The following NPIPB8 variants were observed in gnomAD, a reference collection of about 807,000 sequenced individuals.
NPIPB8 encodes the protein nuclear pore complex-interacting protein family member B8.
Under a neutral mutation model 5.3 loss-of-function variants are expected in NPIPB8, and 3 were observed. That is an observed-to-expected ratio of 0.57 (90% CI 0.26 to 1.47). The LOEUF (loss-of-function observed/expected upper bound fraction) is 1.47. Among genes scored for constraint, NPIPB8 ranks in the 40% most tolerant of loss-of-function variants. NPIPB8 has a pLI of 0.13. For synonymous variants in NPIPB8, 18 were observed against 23.0 expected (o/e 0.78, Z 0.62); for missense variants, 50 against 50.2 (o/e 1.00, Z 0.01).
intron 2 of NPIPB8, among the ~76,000 whole-genome samples, chr16:28,640,227 G>T (rs891680805): frequency 6.6e-6 from 1 of 151,968 alleles, no homozygotes. Context: ...GCTAGGATGG[G>T]CTAGGTATCA....
At chr16:28,644,321 C>A (rs2047956159) in intron 2 of NPIPB8, among the ~76,000 whole-genome samples, 1 of 117,726 alleles carries the variant, frequency 8.5e-6, no homozygotes, top group African/African-American at 3.7e-5. Context: ...TTAATTTGAA[C>A]CGGATCCTTT....
chr16:28,652,997 C>T (rs2151767504), intron 5 of NPIPB8, among the ~76,000 whole-genome samples: 1 of 128,356 alleles, frequency 7.8e-6, no homozygotes, highest in Middle Eastern at 3.8e-3. Flanking sequence ...CAACCTCTGC[C>T]TCCCAGTTTG....
intron 2 of NPIPB8, among the ~76,000 whole-genome samples, chr16:28,640,416 A>G (rs1413025128): frequency 6.6e-6 from 1 of 152,174 alleles, no homozygotes; most frequent in Non-Finnish European, 1.5e-5. Context: ...AGTTGCTCCA[A>G]GAGATGAAGG....
At chr16:28,639,361 C>T (rs946847740) in intron 2 of NPIPB8, among the ~76,000 whole-genome samples, 2 of 149,576 alleles carry the variant, frequency 1.3e-5, no homozygotes, top group Non-Finnish European at 3.0e-5. Flanking sequence ...AAATAATAAT[C>T]TCAAAAATGA....
intron 5 of NPIPB8, among the ~76,000 whole-genome samples, chr16:28,652,884 G>C (rs1305320052): frequency 1.5e-5 from 2 of 133,234 alleles, no homozygotes; most frequent in South Asian, 2.2e-4. Context: ...TTAGAGGTGT[G>C]AGCCACCACA....
At chr16:28,651,009 G>A (rs1443924425) in intron 3 of NPIPB8, among the ~76,000 whole-genome samples, 2 of 108,374 alleles carry the variant, frequency 1.8e-5, no homozygotes, top group Admixed American at 8.5e-5. Context: ...TTTTTGAGAC[G>A]GAGTCTCACT....
chr16:28,640,012 T>C (rs1290692130), intron 2 of NPIPB8, among the ~76,000 whole-genome samples: 1 of 151,472 alleles, frequency 6.6e-6, no homozygotes, highest in Non-Finnish European at 1.5e-5. Flanking sequence ...TTATATTTCA[T>C]TTAATTCTCT....
intron 2 of NPIPB8, among the ~76,000 whole-genome samples, chr16:28,641,086 T>C (rs2151745761): frequency 6.6e-6 from 1 of 152,060 alleles, no homozygotes; most frequent in East Asian, 1.9e-4. Flanking sequence ...ATTCTGTGCA[T>C]TTTCCTGTGC....
chr16:28,651,689 G>T (rs1367386790), intron 3 of NPIPB8, among the ~76,000 whole-genome samples: 1 of 93,528 alleles, frequency 1.1e-5, no homozygotes, highest in Non-Finnish European at 2.1e-5. Context: ...GAGTACAGTG[G>T]TGTGATCTCG....
At position 28,638,492 on chromosome 16, in the gene NPIPB8, C is replaced by A. The variant is rs1266750733; in HGVS notation, c.120+12C>A. 1.3e-6 allele frequency: 2 copies of A among 1,551,096 alleles called. No individual in the cohort carries two copies. The highest frequency in any genetic ancestry group is 3.7e-5 in the Admixed American group (2 of 54,516). On this transcript the variant is annotated intron_variant, in intron 2 of 7. Transcript: ENST00000683297. ...AGTACCTGAGGAAGGTGAGTGAGTG[C>A]AGACAAGATGGGGCCTGGTGCCCTT...
At position 28,638,584 on chromosome 16, in the gene NPIPB8, T is replaced by C; in HGVS notation, c.120+104T>C. 6.4e-6 allele frequency: 9 copies of C among 1,411,604 alleles called. 1 individual carries two copies. The highest frequency in any genetic ancestry group is 8.6e-6 in the Non-Finnish European group (9 of 1,050,112). 87.4% of individuals were successfully genotyped at this position (1,411,604 alleles called of 1,614,324 possible). ...GTGATGCTGGGGGAAGCTTACGCAG[T>C]CACAGTACTGGCTTCTTCCTCTTTT... is the stretch of plus-strand genomic sequence containing the variant. On this transcript the variant is annotated intron_variant, in intron 2 of 7. Coordinates refer to ENST00000683297, the MANE Select transcript of NPIPB8 (RefSeq NM_001310136.2).
At chr16:28,645,082 C>T (rs1334806599) in intron 2 of NPIPB8, among the ~76,000 whole-genome samples, 2 of 123,922 alleles carry the variant, frequency 1.6e-5, no homozygotes, top group African/African-American at 3.0e-5. Context: ...CTCATTCTGT[C>T]GCCCAGGCTG....
chr16:28,639,899 C>G (rs3175440), intron 2 of NPIPB8, among the ~76,000 whole-genome samples: 76 of 148,516 alleles, frequency 5.1e-4, no homozygotes, highest in East Asian at 1.4e-3. Context: ...CACTTTACTG[C>G]ATTGTCTGAA....
Position 28,651,645 on chromosome 16 carries a change from T to TGA in NPIPB8, c.304-307_304-306dup, listed in dbSNP as rs1167005857. 4.4e-4 allele frequency among the ~76,000 whole-genome samples: 32 copies of TGA among 72,694 alleles called. 3 individuals carry two copies. Among genetic ancestry groups the TGA allele is most frequent in the East Asian group, 1.5e-3 (4 of 2,656 alleles). The allele number at this position is 72,694 out of a possible 152,430, so 47.7% of individuals were successfully genotyped here. ...GTGTGTGTGTGTGTGTGTGTGTGTG[T>TGA]GAGAGACAGAGTCTCATTCTGTCGC... On this transcript the variant is annotated intron_variant, in intron 3 of 7. Coordinates refer to ENST00000683297, the MANE Select transcript of NPIPB8 (RefSeq NM_001310136.2).
rs914282885 is a variant in NPIPB8, at chr16:28,639,776, A to G, written c.120+1296A>G. ...TCCAAGATAAAATTATTTTAACAAT[A>G]TACTATGAAGAGAAAAACACTGGCT... On this transcript the variant is annotated intron_variant, in intron 2 of 7. Coordinates refer to ENST00000683297, the MANE Select transcript of NPIPB8 (RefSeq NM_001310136.2). Among the ~76,000 whole-genome samples the G allele has an allele frequency of 3.2e-4, 49 of 150,972 alleles. 1 individual carries two copies. Among genetic ancestry groups the G allele is most frequent in the African/African-American group, 1.2e-3 (48 of 40,726 alleles).
At chr16:28,638,301 T>C in intron 1 of NPIPB8, 22 bp from the exon 2 acceptor site, 1 of 1,548,956 alleles carries the variant, frequency 6.5e-7, no homozygotes, top group East Asian at 2.3e-5. Flanking sequence ...TCAACAAACT[T>C]TTTTTCTTAA....
intron 3 of NPIPB8, among the ~76,000 whole-genome samples, chr16:28,651,030 G>A (rs1421902076): frequency 3.1e-5 from 3 of 98,166 alleles, no homozygotes; most frequent in Admixed American, 2.8e-4. Context: ...CTGTCACCAG[G>A]CTGGAGTGCA....
At chr16:28,639,001 G>T (rs1471659075) in intron 2 of NPIPB8, among the ~76,000 whole-genome samples, 2 of 150,458 alleles carry the variant, frequency 1.3e-5, no homozygotes, top group African/African-American at 5.0e-5. Flanking sequence ...TTCAGGAGGT[G>T]GAGGTTTTAG....
chr16:28,639,455 A>ATATT (rs1342219323), intron 2 of NPIPB8, among the ~76,000 whole-genome samples: 12 of 120,840 alleles, frequency 9.9e-5, no homozygotes, highest in East Asian at 2.3e-4. Context: ...ATATATATAT[A>ATATT]TTTTTTTTTT....
Sources: gnomAD v4.1 joint callset for allele counts (sites outside exome capture counted in the v4.1 genomes callset) on GRCh38, gnomAD v4.1.1 for gene constraint, MANE v1.5 for transcripts, NCBI Gene and HGNC (gene_info 2026-07-23, HGNC 2026-07-21) for gene names.